Variants in ADGRV1 observed in about 807,000 individuals in gnomAD.
The protein encoded by ADGRV1 is G-protein coupled receptor 98.
In ADGRV1, 359 loss-of-function variants were observed where a neutral mutation model predicts 596.2. The observed-to-expected ratio is 0.60, with a 90% CI of 0.55 to 0.66. ADGRV1 has a LOEUF of 0.66. Among genes scored for constraint, ADGRV1 ranks in the 30% least tolerant of loss-of-function variants. The pLI, the probability that ADGRV1 is intolerant of heterozygous loss-of-function variation, is 0.00. For missense variants in ADGRV1, 7,274 were observed against 7,575.6 expected (o/e 0.96, Z 1.48); for synonymous variants, 2,681 against 2,679.2 (o/e 1.00, Z -0.02).
At chr5:90,724,763 A>G in intron 45 of ADGRV1, 69 bp from the exon 46 acceptor site, 1 of 1,388,852 alleles carries the variant, frequency 7.2e-7, no homozygotes, top group Non-Finnish European at 1.0e-6. Context: ...CATTGTTTAA[A>G]CAATAAATTA....
At chr5:90,869,586 C>G (rs1414199450) in intron 83 of ADGRV1, among the ~76,000 whole-genome samples, 1 of 152,104 alleles carries the variant, frequency 6.6e-6, no homozygotes, top group Non-Finnish European at 1.5e-5. Flanking sequence ...TGAGCTTAGA[C>G]AGTGGTAATG....
intron 77 of ADGRV1, among the ~76,000 whole-genome samples, chr5:90,840,179 C>T (rs1482584871): frequency 1.3e-5 from 2 of 152,150 alleles, no homozygotes; most frequent in East Asian, 3.9e-4. Context: ...CTCTACTCTC[C>T]CCAGCCTGCC....
intron 86 of ADGRV1, among the ~76,000 whole-genome samples, chr5:91,086,427 AC>A (rs1789881839): frequency 6.6e-6 from 1 of 151,926 alleles, no homozygotes; most frequent in South Asian, 2.1e-4. Flanking sequence ...TCCTCTTGAT[AC>A]TTTTTCTGGT....
chr5:90,794,178 G>A (rs1178388195), intron 70 of ADGRV1, among the ~76,000 whole-genome samples: 2 of 152,168 alleles, frequency 1.3e-5, no homozygotes, highest in East Asian at 3.9e-4. Context: ...GGGCCATGAT[G>A]TATCTAACCC....
intron 86 of ADGRV1, among the ~76,000 whole-genome samples, chr5:91,092,009 A>G (rs1447010045): frequency 6.6e-6 from 1 of 152,238 alleles, no homozygotes; most frequent in East Asian, 1.9e-4. Context: ...AAAAGTAACC[A>G]TCACATAAAT....
chr5:90,857,578 A>T (rs576579362), intron 82 of ADGRV1, among the ~76,000 whole-genome samples: 134 of 152,318 alleles, frequency 8.8e-4, no homozygotes, highest in African/African-American at 2.9e-3. Context: ...CCTAAATGTT[A>T]GTATCTGCTT....
intron 86 of ADGRV1, among the ~76,000 whole-genome samples, chr5:91,072,805 A>G (rs551968101): frequency 6.6e-6 from 1 of 152,110 alleles, no homozygotes; most frequent in Non-Finnish European, 1.5e-5. Context: ...TGTAGGTTTT[A>G]TTGTTCATTC....
chr5:91,060,399 T>TA (rs61065807), intron 85 of ADGRV1, among the ~76,000 whole-genome samples: 5,946 of 21,138 alleles, frequency 0.28, 180 homozygotes, highest in African/African-American at 0.36. Flanking sequence ...TATATATATA[T>TA]TTTTTTTTTT....
intron 57 of ADGRV1, among the ~76,000 whole-genome samples, chr5:90,759,010 T>G (rs1756148711): frequency 6.6e-6 from 1 of 152,208 alleles, no homozygotes; most frequent in African/African-American, 2.4e-5. Context: ...CTGCATTTTA[T>G]GTTTGTGCAA....
chr5:90,971,191 G>C (rs1342285104), intron 84 of ADGRV1, among the ~76,000 whole-genome samples: 2 of 152,178 alleles, frequency 1.3e-5, no homozygotes, highest in African/African-American at 2.4e-5. Context: ...CAAGAAACAT[G>C]GGACTATGTG....
In ADGRV1 at chr5:90,802,872, C is replaced by T; in HGVS notation, c.14651C>T (p.Ala4884Val). The change falls in exon 71 of 90, where the codon GCC becomes GTC. Residue 4884 changes from alanine to valine, a missense_variant. Physicochemically the swap from Ala to Val is moderately conservative, Grantham distance 64. This residue lies in a region of ADGRV1 where 1,874 missense variants were observed against 1,970.2 expected (regional missense o/e 0.95). Transcript: ENST00000405460. Reference protein sequence around the residue: ...SAVLPVSEKAANSQVGFESTA... With the variant: ...SAVLPVSEKAVNSQVGFESTA... ...GTCCTTCCAGTCTCTGAGAAAGCTGCCAATTCTCAGGTAATTGGCCCTGTG... is the reference window on the plus strand; with the variant it reads ...GTCCTTCCAGTCTCTGAGAAAGCTGTCAATTCTCAGGTAATTGGCCCTGTG... 6.2e-7 allele frequency: 1 copy of T among 1,605,168 alleles called. No individual in the cohort carries two copies. Among genetic ancestry groups the T allele is most frequent in the Non-Finnish European group, 8.5e-7 (1 of 1,175,616 alleles).
intron 39 of ADGRV1, 23 bp from the exon 40 acceptor site, chr5:90,710,958 G>T (rs1482646512): frequency 2.1e-6 from 3 of 1,409,924 alleles, no homozygotes; most frequent in Non-Finnish European, 3.0e-6. Context: ...TGTATTTTAA[G>T]ATATGCTTCT....
At chr5:90,960,109 A>T (rs756848740) in intron 83 of ADGRV1, among the ~76,000 whole-genome samples, 1 of 148,932 alleles carries the variant, frequency 6.7e-6, no homozygotes, top group South Asian at 2.1e-4. Context: ...ACTGCACTCC[A>T]GCCTGGGTGA....
At chr5:90,644,139 C>T (rs1767382394) in intron 14 of ADGRV1, among the ~76,000 whole-genome samples, 156 bp downstream of exon 14, 1 of 152,020 alleles carries the variant, frequency 6.6e-6, no homozygotes, top group Non-Finnish European at 1.5e-5. Context: ...ATATTTAGGA[C>T]CATGATTTTT....
intron 59 of ADGRV1, among the ~76,000 whole-genome samples, chr5:90,766,336 C>T (rs970100761): frequency 6.6e-5 from 10 of 152,104 alleles, no homozygotes; most frequent in Non-Finnish European, 1.2e-4. Flanking sequence ...ATATCATCCC[C>T]AGCTGCACCC....
Position 90,753,621 on chromosome 5 carries a change from T to G in ADGRV1, c.11169T>G (p.Ile3723Met). ...TACTGTCAACAATCACTCTAACTAT[T>G]CTTGCTGATAATATACCAGAGTTAT... Reference protein sequence around the residue: ...GQVLSTITLTILADNIPELSE... With the variant: ...GQVLSTITLTMLADNIPELSE... The change falls in exon 54 of 90, where the codon ATT becomes ATG. Residue 3723 changes from isoleucine to methionine, a missense_variant. Physicochemically the swap from Ile to Met is conservative, Grantham distance 10. Coordinates refer to ENST00000405460, the MANE Select transcript of ADGRV1 (RefSeq NM_032119.4). The G allele has an allele frequency of 1.9e-6, 3 of 1,612,030 alleles. No homozygotes were observed. Among genetic ancestry groups the G allele is most frequent in the Non-Finnish European group, 2.5e-6 (3 of 1,178,178 alleles).
At chr5:90,773,168 C>CAA (rs36098858) in intron 59 of ADGRV1, among the ~76,000 whole-genome samples, 6 of 133,414 alleles carry the variant, frequency 4.5e-5, no homozygotes, top group African/African-American at 1.4e-4. Flanking sequence ...GACCCTGTCT[C>CAA]AAAAAAAAAA....
At chr5:90,677,816 T>C (rs1744430580) in intron 25 of ADGRV1, among the ~76,000 whole-genome samples, 1 of 152,180 alleles carries the variant, frequency 6.6e-6, no homozygotes, top group African/African-American at 2.4e-5. Flanking sequence ...TGAGTTGGGA[T>C]TGGAGGAAAA....
chr5:90,596,832 CGAGGGAGAGGGAGAGCGAGAGGGA>C (rs1043849755), intron 1 of ADGRV1, among the ~76,000 whole-genome samples: 1 of 148,700 alleles, frequency 6.7e-6, no homozygotes, highest in Non-Finnish European at 1.5e-5. Context: ...AGGGAGAGGG[CGAGGGAGAGGGAGAGCGAGAGGGA>C]GAGGGAGAGT....
Sources: gnomAD v4.1 joint callset for allele counts (sites outside exome capture counted in the v4.1 genomes callset) on GRCh38, gnomAD v4.1.1 for gene constraint, gnomAD v4.1.1 regional missense constraint, MANE v1.5 for transcripts, NCBI Gene and HGNC (gene_info 2026-07-23, HGNC 2026-07-21) for gene names.